The following IQGAP2 variants were observed in gnomAD, a reference collection of about 807,000 sequenced individuals.
The protein encoded by IQGAP2 is ras GTPase-activating-like protein IQGAP2.
In IQGAP2, 173 loss-of-function variants were observed where a neutral mutation model predicts 201.3. The observed-to-expected ratio is 0.86, with a 90% confidence interval of 0.76 to 0.98. The LOEUF is 0.98. Ranked by LOEUF, IQGAP2 falls within the 50% of genes least tolerant of loss-of-function variation. The pLI is 0.00. For missense variants in IQGAP2, 1,687 were observed against 1,864.8 expected (o/e 0.90, Z 1.76); for synonymous variants, 675 against 673.9 (o/e 1.00, Z -0.03).
chr5:76,575,712 C>T lies in IQGAP2; in HGVS notation c.401C>T (p.Thr134Ile). ...TTCCAGATATTTTATCCAGAAACAA[C>T]AGATGTCTATGATCGGAAAAACATA... ...GLPKIFYPETTDVYDRKNIPR... is the reference protein window; with the variant it reads ...GLPKIFYPETIDVYDRKNIPR... Residue 134 changes from threonine to isoleucine, a missense_variant, in exon 5 of 36, where the codon ACA (threonine) becomes ATA (isoleucine). Transcript: ENST00000274364. The T allele has an allele frequency of 1.3e-6, 2 of 1,584,490 alleles. No individual in the cohort carries two copies. The highest frequency in any genetic ancestry group is 1.7e-6 in the Non-Finnish European group (2 of 1,161,442).
In IQGAP2 at chr5:76,600,744, G is replaced by A. The variant is rs957049915; in HGVS notation, c.1072-68G>A. 21 of 1,550,234 alleles carry A rather than the reference G, an allele frequency of 1.4e-5. No homozygotes were observed. The African/African-American group carries it at 2.5e-4, about 18-fold the overall frequency. On this transcript the variant is annotated intron_variant, in intron 10 of 35. Transcript: ENST00000274364. Reference sequence around the variant, plus strand: ...TTTGTTGTTTGTTGAAATGTGCATTGTAAACCTCCATCATGCACATGAGGT... The same window carrying A: ...TTTGTTGTTTGTTGAAATGTGCATTATAAACCTCCATCATGCACATGAGGT...
chr5:76,508,597 C>T (rs141509515), intron 2 of IQGAP2, among the ~76,000 whole-genome samples: 1,627 of 151,810 alleles, frequency 0.011, 20 homozygotes, highest in African/African-American at 0.037. Context: ...AATCCCAGCA[C>T]TTTGGGAGGC....
Position 76,611,063 on chromosome 5 carries a change from G to A in IQGAP2, c.1401G>A (p.Gly467=). The A allele has an allele frequency of 6.2e-7, 1 of 1,613,850 alleles. No individual in the cohort carries two copies. The highest frequency in any genetic ancestry group is 8.5e-7 in the Non-Finnish European group (1 of 1,179,814). Residue 467 remains glycine (G), a synonymous_variant, in exon 13 of 36, where the codon GGG becomes GGA. Transcript: ENST00000274364. ...VGYINEAIDE[G]NPLRTLETLL... is the part of the protein sequence containing the mutation. ...ACATCAATGAAGCTATTGATGAAGG[G>A]AATCCTTTGAGGACTTTAGAAACTT...
intron 21 of IQGAP2, among the ~76,000 whole-genome samples, chr5:76,659,002 A>G (rs886418769): frequency 6.6e-6 from 1 of 152,216 alleles, no homozygotes; most frequent in African/African-American, 2.4e-5. Flanking sequence ...TAGTACTATA[A>G]TCTTATAGGA....
rs1333990086 is a variant in IQGAP2, at chr5:76,514,624, C to G, written c.147-47772C>G. Among the ~76,000 whole-genome samples the G allele has an allele frequency of 2.0e-5, 3 of 152,202 alleles. No homozygotes were observed. In the East Asian group the frequency reaches 5.8e-4, roughly 29 times the overall value. On this transcript the variant is annotated intron_variant, in intron 2 of 35. Coordinates refer to ENST00000274364, the MANE Select transcript of IQGAP2 (RefSeq NM_006633.5). ...TTCTCCATCACCTGCATCACGTGGT[C>G]TGTCCTCTCTGAAATCTCGTTAGAA...
intron 2 of IQGAP2, among the ~76,000 whole-genome samples, chr5:76,463,723 A>G (rs1754617461): frequency 6.6e-6 from 1 of 152,214 alleles, no homozygotes; most frequent in Admixed American, 6.5e-5. Context: ...TCATGAAAAT[A>G]ATTATCAAAA....
At chr5:76,577,704 G>A (rs183338857) in intron 5 of IQGAP2, among the ~76,000 whole-genome samples, 1 of 152,238 alleles carries the variant, frequency 6.6e-6, no homozygotes, top group Admixed American at 6.5e-5. Context: ...ATTCTGCTTT[G>A]TTGTGCAAGA....
At chr5:76,457,144 A>C (rs1047175161) in intron 1 of IQGAP2, among the ~76,000 whole-genome samples, 1 of 151,726 alleles carries the variant, frequency 6.6e-6, no homozygotes, top group Admixed American at 6.6e-5. Flanking sequence ...GCACCACCAC[A>C]CTCAGCCAAT....
At chr5:76,583,785 T>C (rs1466701951) in intron 5 of IQGAP2, among the ~76,000 whole-genome samples, 1 of 152,198 alleles carries the variant, frequency 6.6e-6, no homozygotes, top group Admixed American at 6.5e-5. Flanking sequence ...ATTAACAGTT[T>C]AGTATAAACA....
chr5:76,632,977 T>C (rs556319384), intron 15 of IQGAP2, among the ~76,000 whole-genome samples: 17 of 152,206 alleles, frequency 1.1e-4, no homozygotes, highest in Non-Finnish European at 2.4e-4. Flanking sequence ...TGGTCACCCT[T>C]GAGTCCCTCT....
rs527493030 is a variant in IQGAP2 at position 76,562,130 on chromosome 5, T to TG, written c.147-264dup. 9.2e-5 allele frequency among the ~76,000 whole-genome samples: 14 copies of TG among 152,350 alleles called. No individual in the cohort carries two copies. The East Asian group carries it at 2.5e-3, about 27-fold the overall frequency. On this transcript the variant is annotated intron_variant, in intron 2 of 35. Coordinates refer to ENST00000274364, the MANE Select transcript of IQGAP2 (RefSeq NM_006633.5). ...TTCCTTCTTTGGCACAAAAGAGACT[T>TG]GGCAGAGGCTCAGATAAAGGTGAAG...
At chr5:76,486,810 CCATTA>C (rs1756172388) in intron 2 of IQGAP2, among the ~76,000 whole-genome samples, 1 of 152,108 alleles carries the variant, frequency 6.6e-6, no homozygotes, top group Non-Finnish European at 1.5e-5. Flanking sequence ...ACTGTAGCCA[CCATTA>C]CAAGCTCAGT....
intron 28 of IQGAP2, among the ~76,000 whole-genome samples, chr5:76,681,588 TTGC>T (rs982965760): frequency 2.6e-5 from 4 of 151,588 alleles, no homozygotes; most frequent in African/African-American, 9.7e-5. Context: ...AATGCAACCC[TTGC>T]ACCCCGTTGG....
At chr5:76,463,587 T>C (rs886349135) in intron 2 of IQGAP2, among the ~76,000 whole-genome samples, 1 of 152,230 alleles carries the variant, frequency 6.6e-6, no homozygotes, top group African/African-American at 2.4e-5. Context: ...TGAAATGGTA[T>C]AAATGTAGCT....
At chr5:76,641,537 A>G (rs968783798) in intron 17 of IQGAP2, among the ~76,000 whole-genome samples, 2 of 152,196 alleles carry the variant, frequency 1.3e-5, no homozygotes, top group African/African-American at 4.8e-5. Flanking sequence ...CTCTCTAAGA[A>G]TGTCTTCTAC....
At chr5:76,457,244 C>T (rs1316511295) in intron 1 of IQGAP2, among the ~76,000 whole-genome samples, 1 of 152,142 alleles carries the variant, frequency 6.6e-6, no homozygotes, top group Non-Finnish European at 1.5e-5. Context: ...TCACCTTGGC[C>T]TCCCAAAGTG....
At chr5:76,660,810 A>C (rs1180777042) in intron 21 of IQGAP2, among the ~76,000 whole-genome samples, 3 of 152,224 alleles carry the variant, frequency 2.0e-5, no homozygotes, top group Non-Finnish European at 4.4e-5. Flanking sequence ...ACAAGAACAG[A>C]GCAATTGAAG....
chr5:76,593,172 T>C (rs1318720062), intron 9 of IQGAP2, among the ~76,000 whole-genome samples: 1 of 152,248 alleles, frequency 6.6e-6, no homozygotes, highest in African/African-American at 2.4e-5. Context: ...TCCTGTTTCA[T>C]TACATTCCAC....
rs958792736 is a variant in IQGAP2 at position 76,589,712 on chromosome 5, C to T, written c.624C>T (p.Ser208=). The T allele has an allele frequency of 1.8e-5, 29 of 1,596,470 alleles. No individual in the cohort carries two copies. Among genetic ancestry groups the T allele is most frequent in the Non-Finnish European group, 2.0e-5 (23 of 1,170,564 alleles). The change falls in exon 7 of 36, where the codon TCC becomes TCT. Residue 208 remains serine, a synonymous_variant. Coordinates refer to ENST00000274364, the MANE Select transcript of IQGAP2 (RefSeq NM_006633.5). ...KIGGILANEL[S]VDEAALHAAV... is the part of the protein sequence containing the mutation. ...GTGGTATTCTGGCCAATGAACTGTC[C>T]GTGGATGAAGCTGCATGTAAGTCCA...
Sources: gnomAD v4.1 joint callset for allele counts (sites outside exome capture counted in the v4.1 genomes callset) on GRCh38, gnomAD v4.1.1 for gene constraint, MANE v1.5 for transcripts, NCBI Gene and HGNC (gene_info 2026-07-23, HGNC 2026-07-21) for gene names.